The following FAM53A variants were observed in gnomAD, a reference collection of about 807,000 sequenced individuals.
FAM53A encodes family with sequence similarity 53 member A.
Under a neutral mutation model 26.6 loss-of-function variants are expected in FAM53A, and 28 were observed. That is an observed-to-expected ratio of 1.05 (90% CI 0.78 to 1.45). FAM53A has a LOEUF of 1.45. FAM53A is among the 40% of genes most tolerant of loss of function. The probability of loss-of-function intolerance (pLI) is 0.00; values close to 1 mark genes in which losing one functional copy is unlikely to be tolerated. For synonymous variants in FAM53A, 290 were observed against 253.1 expected, an observed-to-expected ratio of 1.15 and a Z score of -1.38; for missense variants, 650 against 575.8, an observed-to-expected ratio of 1.13 and a Z score of -1.32.
intron 1 of FAM53A, among the ~76,000 whole-genome samples, chr4:1,621,244 C>T (rs2108744179): frequency 6.6e-6 from 1 of 151,898 alleles, no homozygotes; most frequent in Admixed American, 6.6e-5. Flanking sequence ...ACTGGGACTA[C>T]AGGCGCCCGC....
chr4:1,655,591 G>A lies in FAM53A; in HGVS notation c.269C>T (p.Ser90Phe). The change falls in exon 4 of 5, where the codon TCC becomes TTC. Residue 90 changes from serine to phenylalanine, a missense_variant. Coordinates refer to ENST00000308132, the MANE Select transcript of FAM53A (RefSeq NM_001174070.3). ...ACCCAGGCCTGCGCCTGGGCGCGGG[G>A]ACTGTGGCTGCCACTGAAGACCCAT... ...HTMGLQWQPQ[S>F]PRPGAGLGAA... is the part of the protein sequence containing the mutation. The A allele has an allele frequency of 6.3e-7, 1 of 1,587,180 alleles. No individual in the cohort carries two copies. The highest frequency in any genetic ancestry group is 8.6e-7 in the Non-Finnish European group (1 of 1,165,606).
chr4:1,613,401 C>A (rs1302394802), downstream of FAM53A, among the ~76,000 whole-genome samples: 1 of 152,210 alleles, frequency 6.6e-6, no homozygotes, highest in Admixed American at 6.5e-5. Context: ...CTAATCCCAG[C>A]CAGGAGGGCA....
At chr4:1,613,910 G>A (rs982039891), downstream of FAM53A, among the ~76,000 whole-genome samples, 4 of 152,206 alleles carry the variant, frequency 2.6e-5, no homozygotes, top group African/African-American at 4.8e-5. Context: ...CAGGTCCCAC[G>A]CAAAGAGGGA....
chr4:1,614,742 C>A (rs1714747913), downstream of FAM53A, among the ~76,000 whole-genome samples: 1 of 152,140 alleles, frequency 6.6e-6, no homozygotes, highest in African/African-American at 2.4e-5. Flanking sequence ...CAATACCCGG[C>A]CCTGCTTTAT....
the FAM53A span, among the ~76,000 whole-genome samples, chr4:1,585,893 TTGTG>T: frequency 1.3e-5 from 2 of 151,088 alleles, no homozygotes; most frequent in African/African-American, 2.4e-5. Flanking sequence ...CCTGGCTAAT[TTGTG>T]TGTGTGTGTG....
chr4:1,669,177 A>G (rs1318987427), intron 1 of FAM53A, among the ~76,000 whole-genome samples: 1 of 152,172 alleles, frequency 6.6e-6, no homozygotes, highest in Admixed American at 6.5e-5. Context: ...CTCTGCTCCA[A>G]AAAAGAGGAA....
At chr4:1,594,791 C>G in the FAM53A span, among the ~76,000 whole-genome samples, 1 of 152,134 alleles carries the variant, frequency 6.6e-6, no homozygotes, top group African/African-American at 2.4e-5. Flanking sequence ...TGCAGTGAGC[C>G]GTGATGGTGC....
At chr4:1,668,360 G>A (rs564705231) in intron 2 of FAM53A, among the ~76,000 whole-genome samples, 2 of 152,266 alleles carry the variant, frequency 1.3e-5, no homozygotes, top group East Asian at 1.9e-4. Flanking sequence ...GGCTGGTTAC[G>A]AACTCCTGAC....
chr4:1,589,148 A>AAAT, the FAM53A span, among the ~76,000 whole-genome samples: 1 of 152,374 alleles, frequency 6.6e-6, no homozygotes, highest in African/African-American at 2.4e-5. Flanking sequence ...CAAGTTAAGA[A>AAAT]AATGTTCTGT....
chr4:1,636,202 C>A (rs369082863), downstream of FAM53A, among the ~76,000 whole-genome samples: 15 of 152,164 alleles, frequency 9.9e-5, no homozygotes, highest in Non-Finnish European at 2.9e-5. Flanking sequence ...ATAAATAGTC[C>A]ATTTCTGATA....
At chr4:1,629,989 C>A (rs779352376) in intron 1 of FAM53A, among the ~76,000 whole-genome samples, 4 of 152,210 alleles carry the variant, frequency 2.6e-5, no homozygotes, top group Non-Finnish European at 5.9e-5. Context: ...CTCTCCCAGA[C>A]CTTCCCTTCT....
At chr4:1,601,917 GGGAGGTGGGCCAGGGGAGGTGGGACGGT>G in the FAM53A span, among the ~76,000 whole-genome samples, 1 of 44,498 alleles carries the variant, frequency 2.2e-5, no homozygotes, top group African/African-American at 5.5e-5. Context: ...GTGGGGCCTG[GGGAGGTGGGCCAGGGGAGGTGGGACGGT>G]GGAGGTGGGC....
intron 4 of FAM53A, among the ~76,000 whole-genome samples, chr4:1,651,503 G>A (rs1370164480): frequency 6.7e-6 from 1 of 149,368 alleles, no homozygotes; most frequent in Non-Finnish European, 1.5e-5. Context: ...CTGCATTCCA[G>A]CCTGGGCAAA....
At position 1,634,088 on chromosome 4, in the gene FAM53A, G is replaced by A. The variant is rs534706876; in HGVS notation, c.432-15977C>T. On this transcript the variant is annotated intron_variant, in intron 1 of 1. Coordinates refer to the FAM53A transcript ENST00000489029. ...GAGTAGCAGGTGGCAGAGGGAGTGCGGGGTTTGCAGCCTGTGAGGGAACCG... is the reference window on the plus strand; with the variant it reads ...GAGTAGCAGGTGGCAGAGGGAGTGCAGGGTTTGCAGCCTGTGAGGGAACCG... Among the ~76,000 whole-genome samples, 28 of 152,284 alleles carry A rather than the reference G, an allele frequency of 1.8e-4. No individual in the cohort carries two copies. The East Asian group carries it at 2.1e-3, about 12-fold the overall frequency.
At chr4:1,580,124 T>C in the FAM53A span, 1 of 152,216 alleles carries the variant, frequency 6.6e-6, no homozygotes, top group African/African-American at 2.4e-5. Context: ...TTGATAGATT[T>C]TTAAATTAAA....
intron 1 of FAM53A, among the ~76,000 whole-genome samples, chr4:1,676,871 G>T (rs77547629): frequency 1.3e-5 from 2 of 152,088 alleles, no homozygotes; most frequent in South Asian, 2.1e-4. Context: ...CACACAGTGG[G>T]GTCTGTTCTC....
chr4:1,598,514 C>T, the FAM53A span, among the ~76,000 whole-genome samples: 4 of 152,238 alleles, frequency 2.6e-5, no homozygotes, highest in East Asian at 3.8e-4. Flanking sequence ...ACTCCCAGAG[C>T]GGCCACAGAA....
chr4:1,598,961 T>C, the FAM53A span, among the ~76,000 whole-genome samples: 13 of 152,394 alleles, frequency 8.5e-5, no homozygotes, highest in Admixed American at 2.6e-4. Flanking sequence ...CCATCAGTTA[T>C]CTTTCTCTCT....
intron 3 of FAM53A, 141 bp downstream of exon 3, chr4:1,657,267 C>G: frequency 1.4e-6 from 1 of 737,184 alleles, no homozygotes; most frequent in South Asian, 1.7e-5. Flanking sequence ...AGGGACCACC[C>G]CACGCCCCAG....
Sources: gnomAD v4.1 joint callset for allele counts (sites outside exome capture counted in the v4.1 genomes callset) on GRCh38, gnomAD v4.1.1 for gene constraint, MANE v1.5 for transcripts, NCBI Gene and HGNC (gene_info 2026-07-23, HGNC 2026-07-21) for gene names.